CRACD: variants seen among roughly 807,000 people sequenced by gnomAD.
CRACD encodes the protein capping protein inhibiting regulator of actin dynamics.
Under a neutral mutation model 106.8 loss-of-function variants are expected in CRACD, and 56 were observed. The observed-to-expected ratio is 0.52, with a 90% CI of 0.42 to 0.66. The LOEUF (loss-of-function observed/expected upper bound fraction) is 0.66. Ranked by LOEUF, CRACD falls within the 30% of genes least tolerant of loss-of-function variation. The probability of loss-of-function intolerance (pLI) is 0.00; values close to 1 mark genes in which losing one functional copy is unlikely to be tolerated. For missense variants in CRACD, 1,730 were observed against 1,623.2 expected, an observed-to-expected ratio of 1.07 and a Z score of -1.13; for synonymous variants, 754 against 670.8, an observed-to-expected ratio of 1.12 and a Z score of -1.92.
chr4:56,246,105 C>T (rs1740664499), intron 2 of CRACD, among the ~76,000 whole-genome samples: 1 of 152,150 alleles, frequency 6.6e-6, no homozygotes, highest in African/African-American at 2.4e-5. Flanking sequence ...ACCTACTGGC[C>T]TGTGCTCTCA....
rs74968357 is a variant in CRACD at position 56,257,744 on chromosome 4, G to C, written c.-188-14577G>C. Among the ~76,000 whole-genome samples, 125 of 152,160 alleles carry C rather than the reference G, an allele frequency of 8.2e-4. 2 individuals carry two copies. Among genetic ancestry groups the C allele is most frequent in the African/African-American group, 2.9e-3 (122 of 41,524 alleles). Reference sequence around the variant, plus strand: ...CCAGGTCTTTTTCTGATTCTGGAGAGATTAACTAAGAGTCTGGTACCTTTT... The same window carrying C: ...CCAGGTCTTTTTCTGATTCTGGAGACATTAACTAAGAGTCTGGTACCTTTT... On this transcript the variant is annotated intron_variant, in intron 2 of 10. Transcript: ENST00000682029.
chr4:56,298,886 T>C (rs1744203889), intron 4 of CRACD, among the ~76,000 whole-genome samples: 1 of 152,056 alleles, frequency 6.6e-6, no homozygotes. Context: ...TGAGCCGAGA[T>C]CATGCCACTG....
chr4:56,131,203 C>T (rs1734814240), intron 1 of CRACD, among the ~76,000 whole-genome samples: 1 of 152,176 alleles, frequency 6.6e-6, no homozygotes, highest in Non-Finnish European at 1.5e-5. Context: ...AACCTAGGCT[C>T]TGGAGTCTGG....
chr4:56,225,530 A>G (rs531910807), intron 2 of CRACD, among the ~76,000 whole-genome samples: 42 of 151,748 alleles, frequency 2.8e-4, no homozygotes, highest in Admixed American at 4.6e-4. Context: ...TCTGCCTTCC[A>G]TTTATTTCTC....
At chr4:56,279,575 A>C (rs868757458) in intron 3 of CRACD, among the ~76,000 whole-genome samples, 1 of 152,232 alleles carries the variant, frequency 6.6e-6, no homozygotes, top group African/African-American at 2.4e-5. Context: ...AGAGAAATGC[A>C]AATCAAAACC....
rs373468081 is a variant in CRACD, at chr4:56,315,599, C to T, written c.2097C>T (p.Pro699=). The T allele has an allele frequency of 5.0e-6, 8 of 1,613,964 alleles. No homozygotes were observed. In the African/African-American group the frequency reaches 8.0e-5, roughly 16 times the overall value. The change falls in exon 8 of 11, where the codon CCC becomes CCT. Residue 699 remains proline (P), a synonymous_variant. Transcript: ENST00000682029. The surrounding 1 kb of genome is among the most constrained non-coding windows in gnomAD (Gnocchi z 4.1). ...DQLRPGDEST[P]RGRCDSRGNQ... ...TGAGGCCCGGTGATGAGTCCACTCCCAGGGGCCGGTGTGATTCCCGCGGGA... is the reference window on the plus strand; with the variant it reads ...TGAGGCCCGGTGATGAGTCCACTCCTAGGGGCCGGTGTGATTCCCGCGGGA...
At chr4:56,057,814 G>GTTTTTTTTTTTTTTTTTTT (rs1167413474) in intron 1 of CRACD, among the ~76,000 whole-genome samples, 6 of 67,308 alleles carry the variant, frequency 8.9e-5, no homozygotes, top group Admixed American at 3.1e-4. Flanking sequence ...TTTTTTTTTT[G>GTTTTTTTTTTTTTTTTTTT]TTTTTTTTTT....
At chr4:56,270,034 A>C (rs1015872036) in intron 2 of CRACD, among the ~76,000 whole-genome samples, 2 of 152,108 alleles carry the variant, frequency 1.3e-5, no homozygotes, top group African/African-American at 4.8e-5. Context: ...CTTTCCTTTA[A>C]ATGTGATCTG....
intron 2 of CRACD, among the ~76,000 whole-genome samples, chr4:56,209,565 G>T (rs1425347395): frequency 2.0e-5 from 3 of 151,930 alleles, no homozygotes; most frequent in African/African-American, 7.2e-5. Context: ...AGTATTTGCA[G>T]ATAAAAATTA....
intron 1 of CRACD, among the ~76,000 whole-genome samples, chr4:56,108,686 T>C (rs1420724271): frequency 3.9e-5 from 6 of 152,010 alleles, no homozygotes; most frequent in South Asian, 2.1e-4. Context: ...GTCCAAGTAA[T>C]TGATAAGGTC....
intron 1 of CRACD, among the ~76,000 whole-genome samples, chr4:56,068,650 A>G (rs1004642040): frequency 1.3e-5 from 2 of 152,170 alleles, no homozygotes; most frequent in African/African-American, 4.8e-5. Context: ...TTTTGGAGTT[A>G]GAGCCAATAG....
intron 2 of CRACD, among the ~76,000 whole-genome samples, chr4:56,247,947 A>G (rs1309633871): frequency 6.6e-6 from 1 of 152,106 alleles, no homozygotes; most frequent in Non-Finnish European, 1.5e-5. Flanking sequence ...ACAGTATTTT[A>G]TCACGATAAA....
intron 2 of CRACD, among the ~76,000 whole-genome samples, chr4:56,268,187 T>C (rs977248239): frequency 1.3e-5 from 2 of 152,244 alleles, no homozygotes; most frequent in Non-Finnish European, 2.9e-5. Flanking sequence ...AAAACTATAA[T>C]TTAATATCTT....
chr4:56,167,995 A>G (rs1156280321), intron 1 of CRACD, among the ~76,000 whole-genome samples: 1 of 152,208 alleles, frequency 6.6e-6, no homozygotes, highest in Non-Finnish European at 1.5e-5. Context: ...TACATAGATT[A>G]TCATGTTGTC....
chr4:56,263,129 C>G (rs758625212), intron 2 of CRACD, among the ~76,000 whole-genome samples: 1 of 152,158 alleles, frequency 6.6e-6, no homozygotes, highest in Non-Finnish European at 1.5e-5. Context: ...TATGCACAAG[C>G]AGAGAACAGA....
chr4:56,147,468 A>G (rs1425395917), intron 1 of CRACD, among the ~76,000 whole-genome samples: 1 of 152,140 alleles, frequency 6.6e-6, no homozygotes, highest in Admixed American at 6.5e-5. Flanking sequence ...ACTGACCTAC[A>G]TTCTGTCTGT....
intron 1 of CRACD, among the ~76,000 whole-genome samples, chr4:56,140,840 T>C (rs990182274): frequency 1.3e-5 from 2 of 152,224 alleles, no homozygotes; most frequent in Non-Finnish European, 2.9e-5. Flanking sequence ...TGTCCTTCCA[T>C]AATGCAGTCC....
chr4:56,091,379 T>A (rs112289460), intron 1 of CRACD, among the ~76,000 whole-genome samples: 2 of 135,338 alleles, frequency 1.5e-5, no homozygotes, highest in African/African-American at 2.9e-5. Context: ...TTTTTTTTTT[T>A]AAACGCAGGC....
chr4:56,315,492 GCACTCGCAGAATGGGCTTCCATTCGGTCC>G lies in CRACD; in HGVS notation c.1991_2019del (p.Ala664GlufsTer9). ...CCAGGAGTCTCCCAGCAGCGCGTCC[GCACTCGCAGAATGGGCTTCCATTCGGTCC>G]AGAATCCTGAAGAACGCAGAGAGTG... On this transcript the variant is annotated frameshift_variant, in exon 8 of 11. Coordinates refer to ENST00000682029, the MANE Select transcript of CRACD (RefSeq NM_001393381.1). LOFTEE classifies it high-confidence loss of function. The surrounding 1 kb of genome is among the most constrained non-coding windows in gnomAD (Gnocchi z 4.1). 1 of 1,613,414 alleles carries G rather than the reference GCACTCGCAGAATGGGCTTCCATTCGGTCC, an allele frequency of 6.2e-7. No homozygotes were observed. Among genetic ancestry groups the G allele is most frequent in the East Asian group, 2.2e-5 (1 of 44,864 alleles).
Sources: gnomAD v4.1 joint callset for allele counts (sites outside exome capture counted in the v4.1 genomes callset) on GRCh38, gnomAD v4.1.1 for gene constraint, Gnocchi (gnomAD v3.1) non-coding constraint, MANE v1.5 for transcripts, NCBI Gene and HGNC (gene_info 2026-07-23, HGNC 2026-07-21) for gene names.